NAV2: variants seen among roughly 807,000 people sequenced by gnomAD.
NAV2 encodes the protein neuron navigator 2.
NAV2 carries 54 observed loss-of-function variants against 223.2 expected under a neutral mutation model. The ratio of observed to expected loss-of-function variants is 0.24; its 90% CI spans 0.19 to 0.30. The LOEUF (loss-of-function observed/expected upper bound fraction) is 0.30. Among genes scored for constraint, NAV2 ranks in the 10% least tolerant of loss-of-function variants. The pLI, the probability that NAV2 is intolerant of heterozygous loss-of-function variation, is 1.00. For missense variants in NAV2, 2,806 were observed against 3,147.5 expected (o/e 0.89, Z 2.60); for synonymous variants, 1,279 against 1,239.3 (o/e 1.03, Z -0.67).
intron 1 of NAV2, among the ~76,000 whole-genome samples, chr11:19,667,377 G>T (rs1348280969): frequency 6.6e-6 from 1 of 152,214 alleles, no homozygotes; most frequent in African/African-American, 2.4e-5. Flanking sequence ...ATTACAATGT[G>T]TATCTGACTA....
intron 1 of NAV2, among the ~76,000 whole-genome samples, chr11:19,542,902 C>T (rs2044378768): frequency 6.6e-6 from 1 of 152,210 alleles, no homozygotes; most frequent in Non-Finnish European, 1.5e-5. Context: ...GGGTACCTCT[C>T]CTGCCACCAG....
At chr11:19,942,076 G>A (rs2046451295) in intron 8 of NAV2, among the ~76,000 whole-genome samples, 1 of 152,202 alleles carries the variant, frequency 6.6e-6, no homozygotes, top group Non-Finnish European at 1.5e-5. Context: ...GCAAGGTCCA[G>A]ATCGCTACAG....
At chr11:19,549,618 C>A (rs2044623974) in intron 1 of NAV2, among the ~76,000 whole-genome samples, 1 of 152,246 alleles carries the variant, frequency 6.6e-6, no homozygotes, top group African/African-American at 2.4e-5. Context: ...TAAGCCATCT[C>A]AAAAGGACCC....
intron 3 of NAV2, among the ~76,000 whole-genome samples, chr11:19,860,281 G>A (rs1270459432): frequency 1.5e-5 from 2 of 136,906 alleles, no homozygotes; most frequent in Non-Finnish European, 3.1e-5. Flanking sequence ...AGACGGGGCG[G>A]CTGCCGGGCG....
chr11:19,662,512 A>G (rs879394873), intron 1 of NAV2, among the ~76,000 whole-genome samples: 3 of 152,248 alleles, frequency 2.0e-5, no homozygotes, highest in Non-Finnish European at 4.4e-5. Flanking sequence ...CCTACCTTTC[A>G]GCCTTTCAGA....
rs749306530 is a variant in NAV2 at position 20,114,606 on chromosome 11, C to T, written c.6975C>T (p.Arg2325=). Residue 2325 remains arginine, a synonymous_variant, in exon 37 of 38, where the codon CGC becomes CGT. Transcript: ENST00000349880. The stretch of plus-strand genomic sequence containing the variant: ...CCTGTTTTCAGCTCTATGGAAGGCG[C>T]GCCCCCTGGGAGGATCCTGCCAAGT... The part of the protein sequence containing the change: ...VREGLQLYGR[R]APWEDPAKWV... 25 of 1,614,006 alleles carry T rather than the reference C, an allele frequency of 1.5e-5. No homozygotes were observed. The highest frequency in any genetic ancestry group is 1.6e-4 in the Middle Eastern group (1 of 6,084).
At chr11:19,644,729 G>A (rs774062624) in intron 1 of NAV2, among the ~76,000 whole-genome samples, 14 of 152,200 alleles carry the variant, frequency 9.2e-5, no homozygotes, top group African/African-American at 1.9e-4. Context: ...GTGGACCTCC[G>A]CTTGTTGGGC....
At chr11:19,348,072 G>T (rs1312660448), upstream of NAV2, among the ~76,000 whole-genome samples, 1 of 152,228 alleles carries the variant, frequency 6.6e-6, no homozygotes, top group African/African-American at 2.4e-5. Context: ...AGGAGGTGTT[G>T]AACATCCTCC....
At chr11:19,829,783 T>G (rs1449168182) in intron 1 of NAV2, among the ~76,000 whole-genome samples, 1 of 152,158 alleles carries the variant, frequency 6.6e-6, no homozygotes, top group African/African-American at 2.4e-5. Flanking sequence ...TTCCATATAG[T>G]CCCACTCTGA....
chr11:19,828,255 A>C (rs1257845811), intron 1 of NAV2, among the ~76,000 whole-genome samples: 1 of 152,212 alleles, frequency 6.6e-6, no homozygotes, highest in Non-Finnish European at 1.5e-5. Flanking sequence ...ATGTACATTC[A>C]TGTAACAAAT....
chr11:19,591,307 T>C (rs1037329504), intron 1 of NAV2: 2 of 152,216 alleles, frequency 1.3e-5, no homozygotes, highest in Non-Finnish European at 2.9e-5. Flanking sequence ...TTCACAGTTC[T>C]TAGGATAAGC....
chr11:19,363,196 T>C (rs1161008926), intron 1 of NAV2, among the ~76,000 whole-genome samples: 1 of 152,202 alleles, frequency 6.6e-6, no homozygotes, highest in Non-Finnish European at 1.5e-5. Context: ...GTGTTCTTAT[T>C]GTTCAACTCC....
At chr11:19,992,175 G>A (rs752225248) in intron 11 of NAV2, among the ~76,000 whole-genome samples, 1 of 152,226 alleles carries the variant, frequency 6.6e-6, no homozygotes, top group Admixed American at 6.5e-5. Context: ...GCTCATAAAA[G>A]GAGCCTTAGA....
intron 4 of NAV2, among the ~76,000 whole-genome samples, chr11:19,870,860 G>A (rs998508230): frequency 5.3e-5 from 8 of 152,116 alleles, no homozygotes; most frequent in Non-Finnish European, 7.4e-5. Context: ...TGATTATGGC[G>A]TCTTCTGGGA....
chr11:19,529,864 T>G (rs535451860), intron 1 of NAV2, among the ~76,000 whole-genome samples: 4 of 152,298 alleles, frequency 2.6e-5, no homozygotes, highest in Middle Eastern at 3.4e-3. Flanking sequence ...GAAAGATAAT[T>G]TAGAGTGGAA....
chr11:19,777,372 C>A, intron 1 of NAV2: 1 of 426,164 alleles, frequency 2.3e-6, no homozygotes, highest in Non-Finnish European at 4.6e-6. Context: ...ACTGGACGGC[C>A]AGACCTGCCG....
chr11:19,899,379 A>G (rs898307248), intron 6 of NAV2, among the ~76,000 whole-genome samples: 2 of 152,194 alleles, frequency 1.3e-5, no homozygotes, highest in African/African-American at 4.8e-5. Context: ...GTAACCATGG[A>G]AAAGTTGCCC....
chr11:19,603,505 T>A (rs1040141897), intron 1 of NAV2, among the ~76,000 whole-genome samples: 1 of 151,840 alleles, frequency 6.6e-6, no homozygotes, highest in African/African-American at 2.4e-5. Context: ...CATGCGCCTG[T>A]AGTCCCAGCT....
intron 1 of NAV2, among the ~76,000 whole-genome samples, chr11:19,666,663 A>T (rs2048418959): frequency 6.6e-6 from 1 of 151,970 alleles, no homozygotes; most frequent in Non-Finnish European, 1.5e-5. Flanking sequence ...CCTCCTTACT[A>T]TACTTCTTTC....
Sources: allele counts gnomAD v4.1 joint callset (sites outside exome capture counted in the v4.1 genomes callset), GRCh38; gene constraint gnomAD v4.1.1; transcripts MANE v1.5; gene names NCBI Gene and HGNC (gene_info 2026-07-23, HGNC 2026-07-21).